The following SEC31A variants were observed in gnomAD, a reference collection of about 807,000 sequenced individuals.
SEC31A encodes protein transport protein Sec31A.
In SEC31A, 70 loss-of-function variants were observed where a neutral mutation model predicts 151.0. The observed-to-expected ratio is 0.46, with a 90% CI of 0.38 to 0.57. SEC31A has a LOEUF of 0.57. Among genes scored for constraint, SEC31A ranks in the 20% least tolerant of loss-of-function variants. SEC31A has a pLI of 0.00. For missense variants in SEC31A, 1,330 were observed against 1,471.2 expected (o/e 0.90, Z 1.57); for synonymous variants, 475 against 505.9 (o/e 0.94, Z 0.82).
chr4:82,862,410 T>C (rs1346479429), intron 13 of SEC31A, 124 bp downstream of exon 13: 11 of 661,070 alleles, frequency 1.7e-5, no homozygotes, highest in Non-Finnish European at 2.9e-5. Context: ...TATTAAAATA[T>C]CTAGAATAAG....
chr4:82,862,773 C>T (rs933704125), intron 12 of SEC31A, among the ~76,000 whole-genome samples: 6 of 152,154 alleles, frequency 3.9e-5, no homozygotes, highest in South Asian at 2.1e-4. Flanking sequence ...AGAAATAATC[C>T]GACAATCATT....
At chr4:82,856,220 G>A (rs947178346) in intron 16 of SEC31A, among the ~76,000 whole-genome samples, 28 of 151,724 alleles carry the variant, frequency 1.8e-4, no homozygotes, top group African/African-American at 2.4e-4. Flanking sequence ...GCGTGATCTC[G>A]GCTCACCGCA....
intron 25 of SEC31A, among the ~76,000 whole-genome samples, chr4:82,823,309 T>G (rs1723805499): frequency 6.6e-6 from 1 of 152,242 alleles, no homozygotes; most frequent in African/African-American, 2.4e-5. Context: ...TTTGAATGAC[T>G]ACAGCCTGTC....
At chr4:82,846,930 G>A (rs1365888172) in intron 20 of SEC31A, among the ~76,000 whole-genome samples, 2 of 152,138 alleles carry the variant, frequency 1.3e-5, no homozygotes, top group Non-Finnish European at 2.9e-5. Context: ...GGCCAGGCTG[G>A]TCTCGAACTC....
rs33968103 is a variant in SEC31A, at chr4:82,861,905, CTTTTTTTT to C, written c.1549-205_1549-198del. On this transcript the variant is annotated intron_variant, in intron 13 of 26. Transcript: ENST00000395310. ...CTATTACTGCTAACACTTTCCCATT[CTTTTTTTT>C]TTTTTTTTTTTTTTTTTTGAGACCG... The C allele has an allele frequency of 7.5e-3, 671 of 89,668 alleles. 2 individuals are homozygous for C. The highest frequency in any genetic ancestry group is 0.023 in the Middle Eastern group (3 of 130). 5.6% of individuals were successfully genotyped at this position (89,668 alleles called of 1,614,324 possible). A position where few individuals can be genotyped will look rare whatever the true frequency, so the allele number is the denominator to read the frequency against.
rs763210198 is a variant in SEC31A at position 82,862,533 on chromosome 4, C to A, written c.1548+1G>T. ...GTAGCTATTTTTAAAGGCCTTCTTA[C>A]CACATTGGCTCCATCCACTTTGTTC... On this transcript the variant is annotated splice_donor_variant, in intron 13 of 26. Coordinates refer to ENST00000395310, the MANE Select transcript of SEC31A (RefSeq NM_001077207.4). LOFTEE classifies it high-confidence loss of function. The A allele has an allele frequency of 6.2e-7, 1 of 1,612,944 alleles. No individual in the cohort carries two copies. The highest frequency in any genetic ancestry group is 8.5e-7 in the Non-Finnish European group (1 of 1,179,094).
rs954125522 is a variant in SEC31A at position 82,835,980 on chromosome 4, C to T, written c.2968+6160G>A. Among the ~76,000 whole-genome samples, 7 of 151,964 alleles carry T rather than the reference C, an allele frequency of 4.6e-5. No homozygotes were observed. In the East Asian group the frequency reaches 5.8e-4, roughly 13 times the overall value. ...AACACTCGTGCATTCCTGGCGGGAA[C>T]GTAAAATGGTGCAGCTGCTGTGAAA... On this transcript the variant is annotated intron_variant, in intron 22 of 26. Coordinates refer to ENST00000395310, the MANE Select transcript of SEC31A (RefSeq NM_001077207.4).
rs1184794553 is a variant in SEC31A, at chr4:82,881,915, G to C, written c.22C>G (p.Arg8Gly). The part of the protein sequence containing the change: MKLKEVD[R>G]TAMQAWSPAQ... ...GGGCTCCATGCCTGCATGGCTGTAC[G>C]ATCTACTTCCTTTAACTTCATCCTG... The change falls in exon 2 of 27, where the codon CGT becomes GGT. Residue 8 changes from arginine (R) to glycine (G), a missense_variant. Transcript: ENST00000395310. 1 of 1,614,044 alleles carries C rather than the reference G, an allele frequency of 6.2e-7. No individual in the cohort carries two copies. The highest frequency in any genetic ancestry group is 1.7e-5 in the Admixed American group (1 of 60,026).
intron 10 of SEC31A, 88 bp downstream of exon 10, chr4:82,866,720 G>T (rs1212425546): frequency 8.7e-7 from 1 of 1,147,926 alleles, no homozygotes; most frequent in Non-Finnish European, 1.2e-6. Flanking sequence ...CTTAAACCCT[G>T]ATTGCTTCCA....
At chr4:82,858,194 C>G (rs1486596029) in intron 14 of SEC31A, among the ~76,000 whole-genome samples, 1 of 151,894 alleles carries the variant, frequency 6.6e-6, no homozygotes, top group Non-Finnish European at 1.5e-5. Context: ...GGGCGGATCA[C>G]AAGGTCAGGA....
chr4:82,856,167 T>C (rs1732590426), intron 16 of SEC31A, among the ~76,000 whole-genome samples: 1 of 152,070 alleles, frequency 6.6e-6, no homozygotes, highest in Non-Finnish European at 1.5e-5. Context: ...GGGTTTTTTT[T>C]TGAGACAGAG....
chr4:82,823,143 G>A (rs573297967), intron 25 of SEC31A, among the ~76,000 whole-genome samples: 1 of 152,284 alleles, frequency 6.6e-6, no homozygotes, highest in East Asian at 1.9e-4. Context: ...GAGCTCCTCG[G>A]TATCCAAGAG....
rs183073549 is a variant in SEC31A at position 82,900,453 on chromosome 4, C to T, written c.-293G>A. ...CTTCGCATTTTCAGGCTTGGCCTCACAAGAAGGACGATGGCGCCAGATTGT... is the reference window on the plus strand; with the variant it reads ...CTTCGCATTTTCAGGCTTGGCCTCATAAGAAGGACGATGGCGCCAGATTGT... On this transcript the variant is annotated 5_prime_UTR_variant, in exon 1 of 29. Coordinates refer to the SEC31A transcript ENST00000355196. The T allele has an allele frequency of 2.2e-3, 611 of 280,930 alleles. 4 individuals are homozygous for T. Among genetic ancestry groups the T allele is most frequent in the Non-Finnish European group, 3.3e-3 (486 of 147,814 alleles). The allele number at this position is 280,930 out of a possible 1,614,324, so 17.4% of individuals were successfully genotyped here. A position where few individuals can be genotyped will look rare whatever the true frequency, so the allele number is the denominator to read the frequency against.
rs1421731762 is a variant in SEC31A, at chr4:82,875,758, G to A, written c.467C>T (p.Ala156Val). ...TTTGGCTCCTGGTGTCATTGGGGTT[G>A]CAAAATTATTTAGATCCCATATGTA... The part of the protein sequence containing the change: ...EIYIWDLNNF[A>V]TPMTPGAKTQ... Residue 156 changes from alanine to valine, a missense_variant, in exon 5 of 27, where the codon GCA becomes GTA. By Grantham distance (64) the Ala-to-Val change is moderately conservative (BLOSUM62 0). Transcript: ENST00000395310. 2.5e-6 allele frequency: 4 copies of A among 1,605,750 alleles called. No individual in the cohort carries two copies. The highest frequency in any genetic ancestry group is 1.7e-5 in the Admixed American group (1 of 59,668).
intron 10 of SEC31A, among the ~76,000 whole-genome samples, chr4:82,866,446 G>A (rs949354593): frequency 5.9e-5 from 9 of 152,056 alleles, no homozygotes; most frequent in Non-Finnish European, 1.3e-4. Context: ...ACTCCAGCCT[G>A]TACAACAGAG....
chr4:82,895,134 C>T (rs1168949347), upstream of SEC31A: 1 of 152,164 alleles, frequency 6.6e-6, no homozygotes, highest in Non-Finnish European at 1.5e-5. Context: ...TTTGTAAACC[C>T]TGGATCTTTA....
chr4:82,847,776 A>C (rs1730561257), intron 20 of SEC31A, among the ~76,000 whole-genome samples: 1 of 152,178 alleles, frequency 6.6e-6, no homozygotes, highest in Non-Finnish European at 1.5e-5. Flanking sequence ...CTATACCCCC[A>C]CAGCAGCCAG....
upstream of SEC31A, among the ~76,000 whole-genome samples, chr4:82,892,740 G>A (rs746049969): frequency 2.3e-3 from 347 of 151,936 alleles, 2 homozygotes; most frequent in Middle Eastern, 6.8e-3. Flanking sequence ...TTTTTTTGGG[G>A]GGGGGGGCAC....
At chr4:82,869,303 T>C (rs1189006228) in intron 8 of SEC31A, among the ~76,000 whole-genome samples, 2 of 151,062 alleles carry the variant, frequency 1.3e-5, no homozygotes, top group Admixed American at 6.6e-5. Context: ...TGTATTTTTT[T>C]TTTTTTTCAG....
Sources: allele counts gnomAD v4.1 joint callset (sites outside exome capture counted in the v4.1 genomes callset), GRCh38; gene constraint gnomAD v4.1.1; transcripts MANE v1.5; gene names NCBI Gene and HGNC (gene_info 2026-07-23, HGNC 2026-07-21).